The following PTPRN2 variants were observed in gnomAD, a reference collection of about 807,000 sequenced individuals.
The protein encoded by PTPRN2 is protein tyrosine phosphatase receptor type N2.
PTPRN2 carries 74 observed loss-of-function variants against 118.8 expected under a neutral mutation model. That is an observed-to-expected ratio of 0.62 (90% CI 0.52 to 0.76). The LOEUF (loss-of-function observed/expected upper bound fraction) is 0.76, where lower values mean the gene tolerates loss of function less well. Ranked by LOEUF, PTPRN2 falls within the 30% of genes least tolerant of loss-of-function variation. PTPRN2 has a pLI of 0.00. For synonymous variants in PTPRN2, 641 were observed against 608.0 expected (o/e 1.05, Z -0.80); for missense variants, 1,481 against 1,394.4 (o/e 1.06, Z -0.99).
intron 1 of PTPRN2, among the ~76,000 whole-genome samples, chr7:158,506,131 G>A (rs549687426): frequency 8.5e-5 from 13 of 152,336 alleles, no homozygotes; most frequent in African/African-American, 3.1e-4. Flanking sequence ...GCTGGGAGAG[G>A]GCGAGTTCTG....
intron 2 of PTPRN2, among the ~76,000 whole-genome samples, chr7:158,367,023 A>G (rs1379410753): frequency 3.3e-5 from 5 of 152,164 alleles, no homozygotes; most frequent in African/African-American, 1.2e-4. Context: ...CAGGGGAGAA[A>G]CAGTGACCTC....
At chr7:158,197,146 C>T (rs1043027564) in intron 4 of PTPRN2, among the ~76,000 whole-genome samples, 20 of 152,218 alleles carry the variant, frequency 1.3e-4, no homozygotes, top group African/African-American at 4.3e-4. Flanking sequence ...ACTGTGGCAT[C>T]ACCCAACAGC....
At chr7:158,162,212 A>G (rs4909289) in intron 6 of PTPRN2, among the ~76,000 whole-genome samples, 115,417 of 152,134 alleles carry the variant, frequency 0.76, 43,835 homozygotes, top group East Asian at 0.85. Flanking sequence ...TTCTCTTACT[A>G]TGTGATCCAG....
intron 3 of PTPRN2, among the ~76,000 whole-genome samples, chr7:158,306,361 C>A (rs915161239): frequency 6.6e-6 from 1 of 152,176 alleles, no homozygotes; most frequent in South Asian, 2.1e-4. Flanking sequence ...ACATGAGGCT[C>A]TAAGCTCTCA....
At chr7:158,245,738 C>T (rs1211038762) in intron 3 of PTPRN2, among the ~76,000 whole-genome samples, 4 of 152,300 alleles carry the variant, frequency 2.6e-5, no homozygotes, top group South Asian at 2.1e-4. Flanking sequence ...CGTCTCATGA[C>T]GTGGCTGTGT....
At chr7:158,245,437 G>A (rs1221153562) in intron 3 of PTPRN2, among the ~76,000 whole-genome samples, 1 of 152,250 alleles carries the variant, frequency 6.6e-6, no homozygotes, top group Admixed American at 6.5e-5. Context: ...GGCCTGTTGA[G>A]TTTCAGTGAT....
Position 158,438,562 on chromosome 7 carries a change from A to G in PTPRN2, c.163+51173T>C, listed in dbSNP as rs1449301156. Among the ~76,000 whole-genome samples, 1 of 152,136 alleles carries G rather than the reference A, an allele frequency of 6.6e-6. No homozygotes were observed. The highest frequency in any genetic ancestry group is 1.5e-5 in the Non-Finnish European group (1 of 68,026). On this transcript the variant is annotated intron_variant, in intron 2 of 22. Transcript: ENST00000389418. The surrounding 1 kb of genome is among the most constrained non-coding windows in gnomAD (Gnocchi z 4.7). The stretch of plus-strand genomic sequence containing the variant: ...AGGCATTCTGTGGATTTTACCCAGC[A>G]CTTCTAGTTGTTCCCCACAGGAAAT...
chr7:158,273,472 G>GGCACAGGGGGAGCCA (rs1563072715), intron 3 of PTPRN2, among the ~76,000 whole-genome samples: 9 of 71,628 alleles, frequency 1.3e-4, no homozygotes, highest in African/African-American at 9.9e-4. Flanking sequence ...AGGGGGAGCC[G>GGCACAGGGGGAGCCA]CAGGCACAGG....
intron 12 of PTPRN2, among the ~76,000 whole-genome samples, chr7:157,691,583 C>T (rs1276279895): frequency 5.3e-5 from 8 of 152,224 alleles, no homozygotes; most frequent in Non-Finnish European, 1.2e-4. Context: ...ACTTTGCCAC[C>T]ATTTGGTCCA....
At chr7:158,072,033 A>G (rs1467327701) in intron 11 of PTPRN2, among the ~76,000 whole-genome samples, 1 of 97,344 alleles carries the variant, frequency 1.0e-5, no homozygotes, top group Non-Finnish European at 2.0e-5. Flanking sequence ...CTCATGGTGG[A>G]GGTGCTCGTG....
At chr7:157,956,008 T>G (rs1186271067) in intron 11 of PTPRN2, among the ~76,000 whole-genome samples, 2 of 152,228 alleles carry the variant, frequency 1.3e-5, no homozygotes, top group African/African-American at 4.8e-5. Context: ...CTCATCAGGA[T>G]GTCAGCTGCT....
intron 12 of PTPRN2, among the ~76,000 whole-genome samples, chr7:157,818,377 G>C (rs1303091229): frequency 6.6e-6 from 1 of 151,102 alleles, no homozygotes; most frequent in Non-Finnish European, 1.5e-5. Flanking sequence ...TGACACGGGG[G>C]CTGTGTGGCC....
chr7:157,939,947 C>T (rs1799943293), intron 11 of PTPRN2, among the ~76,000 whole-genome samples: 1 of 152,228 alleles, frequency 6.6e-6, no homozygotes, highest in Non-Finnish European at 1.5e-5. Context: ...GGTATCACTG[C>T]ACAGGCGGGG....
chr7:158,422,968 G>A (rs1205751249), intron 2 of PTPRN2, among the ~76,000 whole-genome samples: 1 of 152,246 alleles, frequency 6.6e-6, no homozygotes, highest in Non-Finnish European at 1.5e-5. Flanking sequence ...AAAGCGAGGA[G>A]AGGGTGACGA....
intron 2 of PTPRN2, among the ~76,000 whole-genome samples, chr7:158,366,059 C>G (rs1275416056): frequency 2.1e-5 from 3 of 145,782 alleles, no homozygotes; most frequent in Non-Finnish European, 4.5e-5. Context: ...AGCTGCAGCC[C>G]AATGCACGCG....
At chr7:157,812,740 G>T (rs1585533621) in intron 12 of PTPRN2, among the ~76,000 whole-genome samples, 1 of 152,260 alleles carries the variant, frequency 6.6e-6, no homozygotes, top group African/African-American at 2.4e-5. Context: ...GTATAGCCAA[G>T]GAGGCCCGTG....
At chr7:157,873,389 G>T (rs532590429) in intron 12 of PTPRN2, among the ~76,000 whole-genome samples, 1 of 152,228 alleles carries the variant, frequency 6.6e-6, no homozygotes, top group African/African-American at 2.4e-5. Flanking sequence ...GGAGGGCCGC[G>T]CCCCGAGGCT....
chr7:157,748,243 TAGG>T (rs1156280159), intron 12 of PTPRN2, among the ~76,000 whole-genome samples: 1 of 147,974 alleles, frequency 6.8e-6, no homozygotes, highest in Non-Finnish European at 1.5e-5. Context: ...GTCCCTGAGG[TAGG>T]AGCTGCCCGG....
intron 1 of PTPRN2, among the ~76,000 whole-genome samples, chr7:158,553,242 C>G (rs1826778875): frequency 6.6e-6 from 1 of 151,006 alleles, no homozygotes; most frequent in Non-Finnish European, 1.5e-5. Context: ...ACACCACATT[C>G]CCCATGCATA....
Sources: gnomAD v4.1 joint callset for allele counts (sites outside exome capture counted in the v4.1 genomes callset) on GRCh38, gnomAD v4.1.1 for gene constraint, Gnocchi (gnomAD v3.1) non-coding constraint, MANE v1.5 for transcripts, NCBI Gene and HGNC (gene_info 2026-07-23, HGNC 2026-07-21) for gene names.